Variants in FOXP1 observed in about 807,000 individuals in gnomAD.
FOXP1 encodes the protein forkhead box P1.
In FOXP1, 15 loss-of-function variants were observed where a neutral mutation model predicts 98.2. That is an observed-to-expected ratio of 0.15 (90% CI 0.10 to 0.24). FOXP1 has a LOEUF of 0.24. Ranked by LOEUF, FOXP1 falls within the 10% of genes least tolerant of loss-of-function variation. The pLI, the probability that FOXP1 is intolerant of heterozygous loss-of-function variation, is 1.00. For synonymous variants in FOXP1, 371 were observed against 314.5 expected, an observed-to-expected ratio of 1.18 and a Z score of -1.90; for missense variants, 633 against 848.5, an observed-to-expected ratio of 0.75 and a Z score of 3.15.
chr3:71,221,532 TAA>T (rs2065382578), intron 5 of FOXP1, among the ~76,000 whole-genome samples: 1 of 152,146 alleles, frequency 6.6e-6, no homozygotes, highest in South Asian at 2.1e-4. Context: ...CTTCTGAAAA[TAA>T]GAGGCTGTTC....
At chr3:71,320,112 T>C (rs1376925069) in intron 4 of FOXP1, among the ~76,000 whole-genome samples, 1 of 152,130 alleles carries the variant, frequency 6.6e-6, no homozygotes, top group Non-Finnish European at 1.5e-5. Flanking sequence ...AATGTGAATG[T>C]ACAACGTTCC....
intron 2 of FOXP1, among the ~76,000 whole-genome samples, chr3:71,531,346 G>C (rs1488048057): frequency 6.6e-6 from 1 of 152,204 alleles, no homozygotes; most frequent in African/African-American, 2.4e-5. Flanking sequence ...CTCACAGCAA[G>C]AAGCCACTCA....
chr3:71,054,766 GAA>G (rs947680802), intron 7 of FOXP1, among the ~76,000 whole-genome samples: 2 of 151,744 alleles, frequency 1.3e-5, no homozygotes, highest in Non-Finnish European at 2.9e-5. Context: ...GATAAGGAAA[GAA>G]AAAACAATGA....
At chr3:71,149,277 G>A (rs1437554561) in intron 6 of FOXP1, among the ~76,000 whole-genome samples, 1 of 152,180 alleles carries the variant, frequency 6.6e-6, no homozygotes, top group African/African-American at 2.4e-5. Flanking sequence ...TGGATTGAGA[G>A]GCAGGGTATT....
intron 5 of FOXP1, among the ~76,000 whole-genome samples, chr3:71,285,200 A>C: frequency 6.6e-6 from 1 of 152,202 alleles, no homozygotes; most frequent in East Asian, 1.9e-4. Context: ...CCTCAAAAAT[A>C]GTAAGAAACA....
At chr3:71,503,348 G>GC (rs894559471) in intron 2 of FOXP1, among the ~76,000 whole-genome samples, 23 of 152,154 alleles carry the variant, frequency 1.5e-4, no homozygotes, top group African/African-American at 5.5e-4. Flanking sequence ...AATAAATAAA[G>GC]CCCCCAGCCC....
At chr3:71,213,095 T>C (rs902535967) in intron 5 of FOXP1, among the ~76,000 whole-genome samples, 3 of 152,182 alleles carry the variant, frequency 2.0e-5, no homozygotes, top group Non-Finnish European at 4.4e-5. Flanking sequence ...ATAGTTTACA[T>C]AGATTAAATC....
chr3:71,020,734 G>T (rs1414061297), intron 11 of FOXP1, among the ~76,000 whole-genome samples: 2 of 152,116 alleles, frequency 1.3e-5, no homozygotes, highest in East Asian at 3.9e-4. Context: ...CTTTTCCTGT[G>T]CACTGACCCA....
chr3:71,315,838 G>A (rs1400581259), intron 4 of FOXP1, among the ~76,000 whole-genome samples: 1 of 152,242 alleles, frequency 6.6e-6, no homozygotes, highest in Non-Finnish European at 1.5e-5. Flanking sequence ...GACTGTGCCA[G>A]CCCATTGCAT....
At chr3:71,029,809 A>G (rs2046626667) in intron 11 of FOXP1, among the ~76,000 whole-genome samples, 1 of 152,194 alleles carries the variant, frequency 6.6e-6, no homozygotes, top group African/African-American at 2.4e-5. Context: ...ATTAGCTGTG[A>G]GTTCCTGAAG....
intron 2 of FOXP1, among the ~76,000 whole-genome samples, chr3:71,551,318 C>T (rs1244866107): frequency 1.3e-5 from 2 of 152,206 alleles, no homozygotes; most frequent in African/African-American, 4.8e-5. Context: ...GATATTTCTA[C>T]TTGTTGATTC....
intron 11 of FOXP1, among the ~76,000 whole-genome samples, chr3:71,017,719 T>C (rs1459128374): frequency 6.6e-6 from 1 of 152,304 alleles, no homozygotes; most frequent in Non-Finnish European, 1.5e-5. Context: ...ATTTTGGACA[T>C]TGAGTTTCTC....
intron 7 of FOXP1, among the ~76,000 whole-genome samples, chr3:71,076,850 G>C (rs1442985755): frequency 6.6e-6 from 1 of 152,162 alleles, no homozygotes; most frequent in East Asian, 1.9e-4. Context: ...CAAGTTAGCA[G>C]AGTTTGGTGT....
At chr3:71,317,601 C>T (rs1316627994) in intron 4 of FOXP1, among the ~76,000 whole-genome samples, 1 of 152,144 alleles carries the variant, frequency 6.6e-6, no homozygotes, top group African/African-American at 2.4e-5. Context: ...TACAGTATGC[C>T]TGAATTCTTT....
intron 3 of FOXP1, among the ~76,000 whole-genome samples, chr3:71,372,638 C>A (rs576604945): frequency 9.3e-4 from 141 of 152,288 alleles, no homozygotes; most frequent in Middle Eastern, 6.8e-3. Flanking sequence ...ATGACTGTCA[C>A]ACAGCAGGCA....
At chr3:71,004,857 A>C (rs1559695258) in intron 12 of FOXP1, among the ~76,000 whole-genome samples, 2 of 152,078 alleles carry the variant, frequency 1.3e-5, no homozygotes, top group African/African-American at 2.4e-5. Context: ...ATCCTTTGTT[A>C]CATTAGGGCT....
intron 6 of FOXP1, among the ~76,000 whole-genome samples, chr3:71,156,986 G>T (rs1285729383): frequency 6.6e-6 from 1 of 152,212 alleles, no homozygotes; most frequent in Non-Finnish European, 1.5e-5. Flanking sequence ...AGAAAAGCCA[G>T]TTTCAAGGCC....
intron 10 of FOXP1, among the ~76,000 whole-genome samples, chr3:71,045,549 T>C (rs1440498782): frequency 6.6e-6 from 1 of 152,126 alleles, no homozygotes; most frequent in Non-Finnish European, 1.5e-5. Context: ...GATGTACATA[T>C]ATATATTCTT....
intron 19 of FOXP1, chr3:70,966,488 C>T (rs546678159): frequency 9.3e-5 from 20 of 214,632 alleles, no homozygotes; most frequent in African/African-American, 3.6e-4. Context: ...TTATCCTGGC[C>T]GCACCGCTCA....
Sources: allele counts gnomAD v4.1 joint callset (sites outside exome capture counted in the v4.1 genomes callset), GRCh38; gene constraint gnomAD v4.1.1; transcripts MANE v1.5; gene names NCBI Gene and HGNC (gene_info 2026-07-23, HGNC 2026-07-21).